The following DOP1B variants were observed in gnomAD, a reference collection of about 807,000 sequenced individuals.
DOP1B encodes the protein protein DOP1B.
Under a neutral mutation model 233.5 loss-of-function variants are expected in DOP1B, and 174 were observed. That is an observed-to-expected ratio of 0.75 (90% confidence interval 0.66 to 0.85). The LOEUF (loss-of-function observed/expected upper bound fraction) is 0.85. DOP1B is among the 40% of genes least tolerant of loss of function. The pLI, the probability that DOP1B is intolerant of heterozygous loss-of-function variation, is 0.00. For synonymous variants in DOP1B, 1,190 were observed against 1,185.6 expected, an observed-to-expected ratio of 1.00 and a Z score of -0.08; for missense variants, 2,652 against 2,846.6, an observed-to-expected ratio of 0.93 and a Z score of 1.56.
intron 3 of DOP1B, among the ~76,000 whole-genome samples, chr21:36,199,560 G>T (rs142798284): frequency 6.6e-6 from 1 of 151,938 alleles, no homozygotes; most frequent in Non-Finnish European, 1.5e-5. Flanking sequence ...TACATTAGGT[G>T]TATCTCCTAG....
In DOP1B at chr21:36,248,259, A is replaced by G. The variant is rs147659315; in HGVS notation, c.4810-121A>G. ...TTATTGCTCCCAGACCACCACATGT[A>G]TGAGTTGCTTAGAAGAGAGTCCAAC... On this transcript the variant is annotated intron_variant, in intron 20 of 36. Transcript: ENST00000691173. 3.8e-3 allele frequency: 3,465 copies of G among 921,182 alleles called. 15 individuals carry two copies. The highest frequency in any genetic ancestry group is 4.9e-3 in the Non-Finnish European group (3,004 of 611,904). 57.1% of individuals were successfully genotyped at this position (921,182 alleles called of 1,614,324 possible). A position where few individuals can be genotyped will look rare whatever the true frequency, so the allele number is the denominator to read the frequency against.
intron 5 of DOP1B, among the ~76,000 whole-genome samples, chr21:36,211,031 G>A (rs558997609): frequency 4.6e-5 from 7 of 152,248 alleles, no homozygotes; most frequent in African/African-American, 1.2e-4. Flanking sequence ...CTTCTTCGAG[G>A]TCTCAGTGTA....
At chr21:36,270,877 C>A (rs373658036) in intron 27 of DOP1B, among the ~76,000 whole-genome samples, 1 of 147,050 alleles carries the variant, frequency 6.8e-6, no homozygotes, top group Admixed American at 6.9e-5. Flanking sequence ...TGTACCACTG[C>A]ACTCCAGCCT....
chr21:36,223,172 C>G, intron 10 of DOP1B, 59 bp from the exon 11 acceptor site: 1 of 1,521,456 alleles, frequency 6.6e-7, no homozygotes, highest in Non-Finnish European at 8.8e-7. Flanking sequence ...TTTTTGGACA[C>G]TTTTTGTAAT....
intron 4 of DOP1B, among the ~76,000 whole-genome samples, chr21:36,200,923 T>A (rs2066357383): frequency 6.6e-6 from 1 of 151,980 alleles, no homozygotes; most frequent in African/African-American, 2.4e-5. Context: ...CTCTTTCACA[T>A]TTCCTTGGTG....
intron 10 of DOP1B, among the ~76,000 whole-genome samples, chr21:36,222,254 A>G (rs1055631084): frequency 6.6e-6 from 1 of 151,966 alleles, no homozygotes; most frequent in Non-Finnish European, 1.5e-5. Flanking sequence ...GGTAGGATAA[A>G]TTTCTTGAAT....
chr21:36,186,668 A>C (rs919729088), intron 2 of DOP1B, among the ~76,000 whole-genome samples: 3 of 151,660 alleles, frequency 2.0e-5, no homozygotes, highest in African/African-American at 7.3e-5. Flanking sequence ...TTCCACCCCC[A>C]CCCCCGGAGT....
chr21:36,190,146 C>T (rs1053740749), intron 2 of DOP1B, among the ~76,000 whole-genome samples: 5 of 151,760 alleles, frequency 3.3e-5, no homozygotes, highest in African/African-American at 1.2e-4. Flanking sequence ...GGTGAAACCC[C>T]GTCTCTAATA....
chr21:36,169,856 G>T lies in DOP1B; in HGVS notation c.138+4985G>T, dbSNP rs1215405251. On this transcript the variant is annotated intron_variant, in intron 2 of 36. Transcript: ENST00000691173. ...CACCTTTTGCACTCATCGTTGATGT[G>T]CTCAGCAAAGATGGCCTTGAAGGTC... 8.0e-6 allele frequency: 7 copies of T among 878,300 alleles called. No individual in the cohort carries two copies. The Admixed American group carries it at 1.2e-4, about 15-fold the overall frequency. 54.4% of individuals were successfully genotyped at this position (878,300 alleles called of 1,614,324 possible). A position where few individuals can be genotyped will look rare whatever the true frequency, so the allele number is the denominator to read the frequency against.
chr21:36,243,286 A>G (rs917512806), intron 18 of DOP1B, among the ~76,000 whole-genome samples: 1 of 151,836 alleles, frequency 6.6e-6, no homozygotes, highest in African/African-American at 2.4e-5. Context: ...GGCTCATGGC[A>G]TAGATTTATT....
At chr21:36,200,699 C>T (rs1017633216) in intron 4 of DOP1B, among the ~76,000 whole-genome samples, 198 bp downstream of exon 4, 4 of 152,066 alleles carry the variant, frequency 2.6e-5, no homozygotes, top group Admixed American at 1.3e-4. Context: ...AAAATTTAGC[C>T]GGGCATGGTG....
At chr21:36,250,560 C>T (rs955207259) in intron 21 of DOP1B, among the ~76,000 whole-genome samples, 1 of 152,016 alleles carries the variant, frequency 6.6e-6, no homozygotes, top group South Asian at 2.1e-4. Context: ...GCTGAGAGAG[C>T]GGTAGGATTT....
At chr21:36,239,108 A>G (rs1221778883) in intron 17 of DOP1B, among the ~76,000 whole-genome samples, 1 of 152,162 alleles carries the variant, frequency 6.6e-6, no homozygotes, top group Non-Finnish European at 1.5e-5. Flanking sequence ...CATCTCAAAC[A>G]AAGAAAAGCT....
intron 13 of DOP1B, among the ~76,000 whole-genome samples, chr21:36,229,742 A>G (rs373252504): frequency 1.3e-5 from 2 of 149,976 alleles, no homozygotes; most frequent in East Asian, 3.9e-4. Context: ...GCTCACTGCA[A>G]CCTCCACCTC....
At position 36,211,969 on chromosome 21, in the gene DOP1B, A is replaced by G. The variant is rs573279844; in HGVS notation, c.781-5A>G. The G allele has an allele frequency of 6.1e-5, 98 of 1,613,870 alleles. No homozygotes were observed. In the South Asian group the frequency reaches 1.0e-3, roughly 17 times the overall value. ...TTGCAGTAAATTTCTCTGTCCTTCT[A>G]ATAGGATTCCAATGAGAGAGCCATC... On this transcript the variant is annotated splice_polypyrimidine_tract_variant and splice_region_variant and intron_variant, in intron 6 of 36. Transcript: ENST00000691173.
chr21:36,235,439 G>A (rs1477781422), intron 15 of DOP1B, among the ~76,000 whole-genome samples: 2 of 152,044 alleles, frequency 1.3e-5, no homozygotes, highest in East Asian at 3.9e-4. Context: ...GTGAAGGAAG[G>A]CCCGGCTCGG....
rs768139533 is a variant in DOP1B at position 36,164,706 on chromosome 21, A to G, written c.-26-2A>G. On this transcript the variant is annotated splice_acceptor_variant, in intron 1 of 36. Transcript: ENST00000691173. LOFTEE classifies it low-confidence loss of function (5UTR_SPLICE). ...TTTGGTTATTTTTTGATTTGCTTTT[A>G]GATACTTTTCTGCTGTGAGAATGTA... 6.5e-7 allele frequency: 1 copy of G among 1,538,762 alleles called. No individual in the cohort carries two copies. The highest frequency in any genetic ancestry group is 1.2e-5 in the South Asian group (1 of 80,860).
At chr21:36,227,501 C>CA (rs1271950225) in intron 12 of DOP1B, among the ~76,000 whole-genome samples, 185 bp from the exon 13 acceptor site, 1 of 151,400 alleles carries the variant, frequency 6.6e-6, no homozygotes, top group Non-Finnish European at 1.5e-5. Context: ...GAGCCGAGAT[C>CA]GCGACACTGC....
intron 12 of DOP1B, 75 bp downstream of exon 12, chr21:36,225,742 C>A: frequency 1.4e-6 from 2 of 1,422,200 alleles, no homozygotes; most frequent in South Asian, 1.2e-5. Context: ...CCTGCTTTAT[C>A]AACCTCACAT....
Sources: gnomAD v4.1 joint callset for allele counts (sites outside exome capture counted in the v4.1 genomes callset) on GRCh38, gnomAD v4.1.1 for gene constraint, MANE v1.5 for transcripts, NCBI Gene and HGNC (gene_info 2026-07-23, HGNC 2026-07-21) for gene names.